APP: variants seen among roughly 807,000 people sequenced by gnomAD.
APP encodes amyloid-beta precursor protein.
Under a neutral mutation model 101.4 loss-of-function variants are expected in APP, and 31 were observed. The ratio of observed to expected loss-of-function variants is 0.31; its 90% confidence interval spans 0.23 to 0.41. The LOEUF is 0.41. Ranked by LOEUF, APP falls within the 10% of genes least tolerant of loss-of-function variation. The probability of loss-of-function intolerance (pLI) is 1.00; values close to 1 mark genes in which losing one functional copy is unlikely to be tolerated. For missense variants in APP, 839 were observed against 1,003.7 expected (o/e 0.84, Z 2.22); for synonymous variants, 366 against 364.4 (o/e 1.00, Z -0.05).
At chr21:26,068,113 G>A (rs1033857679) in intron 3 of APP, 1 of 152,182 alleles carries the variant, frequency 6.6e-6, no homozygotes, top group African/African-American at 2.4e-5. Context: ...ACAGCATGCT[G>A]TTTTCACATA....
At chr21:26,166,562 T>G (rs529448908) in intron 1 of APP, among the ~76,000 whole-genome samples, 62 of 151,780 alleles carry the variant, frequency 4.1e-4, no homozygotes, top group Non-Finnish European at 5.6e-4. Flanking sequence ...GTTGCCTGAA[T>G]GTAGAATCAC....
At position 25,946,161 on chromosome 21, in the gene APP, C is replaced by T. The variant is rs147177329; in HGVS notation, c.1687+8429G>A. On this transcript the variant is annotated intron_variant, in intron 13 of 17. Transcript: ENST00000346798. ...GGTATAAATCGTTGTAACCTTGTTT[C>T]GGACAATGGTTTCCTAGATACCATA... Among the ~76,000 whole-genome samples, 160 of 152,198 alleles carry T rather than the reference C, an allele frequency of 1.1e-3. No individual in the cohort carries two copies. In the Middle Eastern group the frequency reaches 0.014, roughly 13 times the overall value.
rs535178672 is a variant in APP at position 25,901,069 on chromosome 21, G to A, written c.1964-3396C>T. 9.2e-5 allele frequency among the ~76,000 whole-genome samples: 14 copies of A among 151,764 alleles called. No individual in the cohort carries two copies. In the East Asian group the frequency reaches 1.4e-3, roughly 15 times the overall value. On this transcript the variant is annotated intron_variant, in intron 15 of 17. Coordinates refer to ENST00000346798, the MANE Select transcript of APP (RefSeq NM_000484.4). ...ATCCCAGCCTTTGGGAGGCTGAGGC[G>A]GGCAAACAGTTTGAACTCAGGAGTT...
At chr21:26,068,995 A>G (rs1159729034) in intron 3 of APP, among the ~76,000 whole-genome samples, 1 of 152,214 alleles carries the variant, frequency 6.6e-6, no homozygotes, top group African/African-American at 2.4e-5. Context: ...CCCAAAGGAC[A>G]ATGACTAATT....
At chr21:26,135,254 A>G (rs2062871054) in intron 1 of APP, among the ~76,000 whole-genome samples, 2 of 152,240 alleles carry the variant, frequency 1.3e-5, no homozygotes, top group African/African-American at 4.8e-5. Context: ...TTATCTATGT[A>G]ACAGCACCAG....
intron 11 of APP, among the ~76,000 whole-genome samples, chr21:25,964,000 C>T (rs2041689937): frequency 6.6e-6 from 1 of 152,114 alleles, no homozygotes; most frequent in African/African-American, 2.4e-5. Flanking sequence ...CACACTCTCC[C>T]CCTTTGGTGT....
chr21:26,052,134 G>A (rs1054497489), intron 4 of APP, among the ~76,000 whole-genome samples: 1 of 152,094 alleles, frequency 6.6e-6, no homozygotes, highest in Admixed American at 6.6e-5. Context: ...ATCTTCAGTG[G>A]TATTTTCTGT....
intron 6 of APP, among the ~76,000 whole-genome samples, chr21:26,016,187 T>C (rs1601217291): frequency 6.6e-6 from 1 of 152,072 alleles, no homozygotes; most frequent in African/African-American, 2.4e-5. Context: ...CGCGCCACCA[T>C]GCCTAGCTAA....
At chr21:25,918,051 C>A (rs922744680) in intron 13 of APP, among the ~76,000 whole-genome samples, 1 of 152,094 alleles carries the variant, frequency 6.6e-6, no homozygotes, top group Non-Finnish European at 1.5e-5. Context: ...GGCGAGGATG[C>A]GGAGAAATAG....
At chr21:26,128,010 G>A (rs923621047) in intron 1 of APP, among the ~76,000 whole-genome samples, 1 of 152,174 alleles carries the variant, frequency 6.6e-6, no homozygotes, top group Non-Finnish European at 1.5e-5. Context: ...CCCTGAGAGA[G>A]GATTTCCTGC....
At chr21:26,021,731 C>T in intron 6 of APP, 109 bp downstream of exon 6, 1 of 1,449,750 alleles carries the variant, frequency 6.9e-7, no homozygotes, top group Non-Finnish European at 9.3e-7. Context: ...GAAAAAAAAA[C>T]ATGTTTTTGA....
intron 8 of APP, among the ~76,000 whole-genome samples, chr21:25,996,193 C>T (rs891755230): frequency 4.6e-5 from 7 of 152,124 alleles, no homozygotes; most frequent in African/African-American, 1.7e-4. Context: ...GTAAGTAAGG[C>T]CTGCAGTGGC....
intron 4 of APP, among the ~76,000 whole-genome samples, chr21:26,052,381 G>A (rs2045872033): frequency 6.6e-6 from 1 of 152,148 alleles, no homozygotes; most frequent in African/African-American, 2.4e-5. Context: ...TGAGGGACAG[G>A]GGATCAAAAT....
chr21:25,901,862 G>A (rs2038513319), intron 15 of APP, among the ~76,000 whole-genome samples: 1 of 152,048 alleles, frequency 6.6e-6, no homozygotes, highest in Non-Finnish European at 1.5e-5. Context: ...CCCTTTATTT[G>A]GACTGCAGAA....
intron 11 of APP, among the ~76,000 whole-genome samples, chr21:25,961,232 C>T (rs745957202): frequency 4.6e-5 from 7 of 152,230 alleles, no homozygotes; most frequent in East Asian, 1.9e-4. Flanking sequence ...CAAGCTGTCT[C>T]GCCTTTCCAG....
intron 12 of APP, among the ~76,000 whole-genome samples, chr21:25,955,007 A>G (rs1177563533): frequency 5.3e-5 from 8 of 151,966 alleles, no homozygotes; most frequent in Non-Finnish European, 8.8e-5. Context: ...CCAATTAAAA[A>G]GGCTACCTCT....
intron 6 of APP, among the ~76,000 whole-genome samples, chr21:26,012,189 T>G (rs2043838152): frequency 1.3e-5 from 2 of 151,996 alleles, no homozygotes; most frequent in East Asian, 1.9e-4. Context: ...TTTTTTTTTT[T>G]GGTCTCCCTA....
chr21:26,038,044 A>C (rs887722062), intron 5 of APP, among the ~76,000 whole-genome samples: 5 of 152,170 alleles, frequency 3.3e-5, no homozygotes, highest in Non-Finnish European at 5.9e-5. Flanking sequence ...TTGCTATTTG[A>C]ATACCTATTT....
intron 2 of APP, among the ~76,000 whole-genome samples, chr21:26,104,151 T>C (rs935461149): frequency 1.3e-5 from 2 of 152,150 alleles, no homozygotes; most frequent in African/African-American, 4.8e-5. Context: ...ACTAGTTCCA[T>C]CACGGGGGCA....
Sources: gnomAD v4.1 joint callset for allele counts (sites outside exome capture counted in the v4.1 genomes callset) on GRCh38, gnomAD v4.1.1 for gene constraint, MANE v1.5 for transcripts, NCBI Gene and HGNC (gene_info 2026-07-23, HGNC 2026-07-21) for gene names.